CNTNAP2: variants seen among roughly 807,000 people sequenced by gnomAD.
CNTNAP2 encodes contactin-associated protein-like 2.
In CNTNAP2, 98 loss-of-function variants were observed where a neutral mutation model predicts 155.2. That is an observed-to-expected ratio of 0.63 (90% CI 0.54 to 0.75). CNTNAP2 has a LOEUF of 0.75. CNTNAP2 is among the 30% of genes least tolerant of loss of function. CNTNAP2 has a pLI of 0.00. For synonymous variants in CNTNAP2, 651 were observed against 631.2 expected (o/e 1.03, Z -0.47); for missense variants, 1,727 against 1,688.1 (o/e 1.02, Z -0.40).
At chr7:147,934,849 T>C (rs566301257) in intron 14 of CNTNAP2, among the ~76,000 whole-genome samples, 3 of 152,240 alleles carry the variant, frequency 2.0e-5, no homozygotes, top group Non-Finnish European at 4.4e-5. Context: ...TAGTACCCTT[T>C]TCCCAAATAC....
At chr7:148,189,399 T>C (rs1585177117) in intron 18 of CNTNAP2, among the ~76,000 whole-genome samples, 1 of 152,120 alleles carries the variant, frequency 6.6e-6, no homozygotes, top group East Asian at 1.9e-4. Flanking sequence ...CCTAAGCTGG[T>C]TGAGGGAGAA....
rs75854719 is a variant in CNTNAP2, at chr7:148,073,493, G to T, written c.2384-44625G>T. On this transcript the variant is annotated intron_variant, in intron 15 of 23. Coordinates refer to ENST00000361727, the MANE Select transcript of CNTNAP2 (RefSeq NM_014141.6). Reference sequence around the variant, plus strand: ...CCAGCCATTTGTCCAGCATATCCACGCGGTAGCTGCTACCTGTTCCTGAGT... The same window carrying T: ...CCAGCCATTTGTCCAGCATATCCACTCGGTAGCTGCTACCTGTTCCTGAGT... 2.0e-5 allele frequency among the ~76,000 whole-genome samples: 3 copies of T among 152,128 alleles called. No individual in the cohort carries two copies. The East Asian group carries it at 5.8e-4, about 29-fold the overall frequency.
intron 13 of CNTNAP2, among the ~76,000 whole-genome samples, chr7:147,862,363 T>C (rs1799150883): frequency 6.6e-6 from 1 of 151,304 alleles, no homozygotes; most frequent in African/African-American, 2.4e-5. Context: ...GCTTGTGTCG[T>C]ATCCAAGACC....
At chr7:148,336,114 C>G (rs1055797391) in intron 21 of CNTNAP2, among the ~76,000 whole-genome samples, 4 of 152,148 alleles carry the variant, frequency 2.6e-5, no homozygotes, top group Admixed American at 2.0e-4. Flanking sequence ...ATTCATTCTA[C>G]AAAAACTTGA....
chr7:146,276,385 A>G (rs1800164193), intron 1 of CNTNAP2, among the ~76,000 whole-genome samples: 1 of 152,228 alleles, frequency 6.6e-6, no homozygotes. Context: ...CTCAATATGC[A>G]TCATCTTAAC....
At chr7:148,307,529 T>A (rs1440517107) in intron 21 of CNTNAP2, among the ~76,000 whole-genome samples, 2 of 152,232 alleles carry the variant, frequency 1.3e-5, no homozygotes, top group Non-Finnish European at 2.9e-5. Context: ...CCCTGCCTCA[T>A]GATTTGTTCT....
chr7:147,486,371 G>A (rs1006801201), intron 11 of CNTNAP2, among the ~76,000 whole-genome samples: 3 of 152,090 alleles, frequency 2.0e-5, no homozygotes, highest in East Asian at 1.9e-4. Flanking sequence ...TTGGGAAATC[G>A]TGTTAGTGTG....
intron 6 of CNTNAP2, among the ~76,000 whole-genome samples, chr7:147,127,159 C>T (rs536095513): frequency 6.3e-4 from 96 of 152,268 alleles, no homozygotes; most frequent in Non-Finnish European, 1.1e-3. Context: ...ACTAGGCACA[C>T]TTAGGTAGTA....
At chr7:146,957,187 T>G (rs1175477844) in intron 3 of CNTNAP2, among the ~76,000 whole-genome samples, 3 of 152,208 alleles carry the variant, frequency 2.0e-5, no homozygotes, top group Non-Finnish European at 4.4e-5. Context: ...TATAAAAATT[T>G]TCAGCATGTT....
At chr7:146,140,976 G>T (rs1441536616) in intron 1 of CNTNAP2, among the ~76,000 whole-genome samples, 2 of 152,144 alleles carry the variant, frequency 1.3e-5, no homozygotes, top group South Asian at 4.1e-4. Context: ...CTGTAGGTTT[G>T]TGCAATTGCA....
chr7:146,832,588 C>A (rs1338153482), intron 2 of CNTNAP2, among the ~76,000 whole-genome samples: 1 of 146,960 alleles, frequency 6.8e-6, no homozygotes, highest in Non-Finnish European at 1.5e-5. Flanking sequence ...TTAATATTAA[C>A]TTCAATATAT....
chr7:147,398,475 G>A (rs1563189459), intron 10 of CNTNAP2, among the ~76,000 whole-genome samples: 1 of 151,102 alleles, frequency 6.6e-6, no homozygotes, highest in Non-Finnish European at 1.5e-5. Flanking sequence ...GACTTTTATA[G>A]AATGTTTGGA....
At chr7:146,851,210 C>T (rs1482200387) in intron 3 of CNTNAP2, among the ~76,000 whole-genome samples, 1 of 152,074 alleles carries the variant, frequency 6.6e-6, no homozygotes, top group Admixed American at 6.6e-5. Context: ...GTCTCGAACT[C>T]CTGACCTCTG....
In CNTNAP2 at chr7:147,800,919, A is replaced by G. The variant is rs570895550; in HGVS notation, c.2099-102646A>G. 2.1e-3 allele frequency among the ~76,000 whole-genome samples: 313 copies of G among 152,352 alleles called. 2 individuals carry two copies. Among genetic ancestry groups the G allele is most frequent in the Admixed American group, 6.7e-3 (103 of 15,308 alleles). On this transcript the variant is annotated intron_variant, in intron 13 of 23. Coordinates refer to ENST00000361727, the MANE Select transcript of CNTNAP2 (RefSeq NM_014141.6). ...AACATACTGTACAGGTTTGCAGCCTAGAAGCAATGGGCTGTACCAGATAGC... is the reference window on the plus strand; with the variant it reads ...AACATACTGTACAGGTTTGCAGCCTGGAAGCAATGGGCTGTACCAGATAGC...
At chr7:146,634,471 TAGAG>T (rs1799565162) in intron 1 of CNTNAP2, among the ~76,000 whole-genome samples, 2 of 152,158 alleles carry the variant, frequency 1.3e-5, no homozygotes. Context: ...CAAACATCAA[TAGAG>T]AGATTTTTTT....
chr7:147,625,296 A>G (rs771916785), intron 12 of CNTNAP2, among the ~76,000 whole-genome samples: 1 of 152,226 alleles, frequency 6.6e-6, no homozygotes, highest in African/African-American at 2.4e-5. Context: ...GCTTGAGTGG[A>G]TGGATACCTC....
rs572231158 is a variant in CNTNAP2, at chr7:148,183,969, A to G, written c.3010+11491A>G. Among the ~76,000 whole-genome samples the G allele has an allele frequency of 4.0e-4, 61 of 152,298 alleles. No homozygotes were observed. The South Asian group carries it at 0.012, about 30-fold the overall frequency. On this transcript the variant is annotated intron_variant, in intron 18 of 23. Transcript: ENST00000361727. ...GTAGGGAATTTTTTCCATTTTTCAAAAAGTTATTCTAATAATTAATATGAT... is the reference window on the plus strand; with the variant it reads ...GTAGGGAATTTTTTCCATTTTTCAAGAAGTTATTCTAATAATTAATATGAT...
intron 1 of CNTNAP2, among the ~76,000 whole-genome samples, chr7:146,230,873 A>G (rs1326848880): frequency 6.6e-6 from 1 of 151,982 alleles, no homozygotes; most frequent in Non-Finnish European, 1.5e-5. Flanking sequence ...AAAATAGCCA[A>G]CCATGGTGGC....
At chr7:146,410,272 T>C (rs538943694) in intron 1 of CNTNAP2, among the ~76,000 whole-genome samples, 1 of 152,286 alleles carries the variant, frequency 6.6e-6, no homozygotes, top group Non-Finnish European at 1.5e-5. Context: ...CCATACCCAA[T>C]TGTGTACCCT....
Sources: gnomAD v4.1 joint callset for allele counts (sites outside exome capture counted in the v4.1 genomes callset) on GRCh38, gnomAD v4.1.1 for gene constraint, MANE v1.5 for transcripts, NCBI Gene and HGNC (gene_info 2026-07-23, HGNC 2026-07-21) for gene names.